The following PTPRS variants were observed in gnomAD, a reference collection of about 807,000 sequenced individuals.
The protein encoded by PTPRS is receptor-type tyrosine-protein phosphatase S.
A neutral mutation model predicts 215.3 loss-of-function variants in PTPRS; 63 were observed. That is an observed-to-expected ratio of 0.29 (90% CI 0.24 to 0.36). The LOEUF (loss-of-function observed/expected upper bound fraction) is 0.36. Among genes scored for constraint, PTPRS ranks in the 10% least tolerant of loss-of-function variants. PTPRS has a pLI of 1.00. For missense variants in PTPRS, 2,258 were observed against 2,825.8 expected (o/e 0.80, Z 4.56); for synonymous variants, 1,404 against 1,191.4 (o/e 1.18, Z -3.68).
At chr19:5,321,607 A>C (rs1368256486) in intron 1 of PTPRS, among the ~76,000 whole-genome samples, 2 of 152,250 alleles carry the variant, frequency 1.3e-5, no homozygotes, top group East Asian at 3.8e-4. Flanking sequence ...TGCCAGGCCC[A>C]GAGTGGAGAA....
At chr19:5,213,433 T>C (rs2041115401) in intron 30 of PTPRS, among the ~76,000 whole-genome samples, 1 of 148,510 alleles carries the variant, frequency 6.7e-6, no homozygotes, top group Non-Finnish European at 1.5e-5. Flanking sequence ...TCCCCCCAAA[T>C]CTCCCCATCA....
intron 4 of PTPRS, among the ~76,000 whole-genome samples, chr19:5,266,954 ACTCCTCACT>A (rs1393358042): frequency 6.7e-6 from 1 of 150,304 alleles, no homozygotes; most frequent in African/African-American, 2.5e-5. Flanking sequence ...ATGCCCCCAC[ACTCCTCACT>A]CTCCTCTGCA....
At position 5,258,002 on chromosome 19, in the gene PTPRS, C is replaced by CGCG. The variant is rs746586819; in HGVS notation, c.706+12_706+14dup. ...GGCGGGTCCCTGCCTTTGACCTGGA[C>CGCG]GCGGCGTTCCCTACCTCGCACGTAG... On this transcript the variant is annotated intron_variant, in intron 8 of 37. Coordinates refer to ENST00000262963, the MANE Select transcript of PTPRS (RefSeq NM_002850.4). 1 of 1,607,088 alleles carries CGCG rather than the reference C, an allele frequency of 6.2e-7. No homozygotes were observed. Among genetic ancestry groups the CGCG allele is most frequent in the South Asian group, 1.1e-5 (1 of 90,706 alleles).
In PTPRS at chr19:5,320,893, T is replaced by G. The variant is rs190302566; in HGVS notation, c.-95+19771A>C. Among the ~76,000 whole-genome samples the G allele has an allele frequency of 3.3e-5, 5 of 152,250 alleles. No homozygotes were observed. The East Asian group carries it at 9.6e-4, about 29-fold the overall frequency. ...CTGAGGCCCAGAGAGGTGGAGTCAT[T>G]GCTACTAAGGGACAGAGCCATCTGG... On this transcript the variant is annotated intron_variant, in intron 1 of 37. Transcript: ENST00000262963.
Position 5,287,964 on chromosome 19 carries a change from G to GCA in PTPRS, c.-94-1732_-94-1731dup, listed in dbSNP as rs3042434. Among the ~76,000 whole-genome samples the GCA allele has an allele frequency of 0.055, 7,303 of 133,144 alleles. 173 individuals carry two copies. Among genetic ancestry groups the GCA allele is most frequent in the Non-Finnish European group, 0.057 (3,553 of 62,408 alleles). The allele number at this position is 133,144 out of a possible 152,430, so 87.3% of individuals were successfully genotyped here. A position where few individuals can be genotyped will look rare whatever the true frequency, so the allele number is the denominator to read the frequency against. ...TCACACAGTCAGGCAGCAGAGACGG[G>GCA]CACACACACACACACACACACACAC... On this transcript the variant is annotated intron_variant, in intron 1 of 37. Coordinates refer to ENST00000262963, the MANE Select transcript of PTPRS (RefSeq NM_002850.4). This position sits in a 1 kb window ranked among gnomAD's most constrained non-coding sequence, Gnocchi z 4.8.
chr19:5,320,084 G>A (rs769760951), intron 1 of PTPRS, among the ~76,000 whole-genome samples: 3 of 152,166 alleles, frequency 2.0e-5, no homozygotes, highest in Non-Finnish European at 2.9e-5. Flanking sequence ...CAGTGGCTGC[G>A]GCCAAAGCAG....
intron 2 of PTPRS, among the ~76,000 whole-genome samples, chr19:5,280,802 T>G (rs1426116121): frequency 6.6e-6 from 1 of 151,964 alleles, no homozygotes; most frequent in Non-Finnish European, 1.5e-5. Context: ...TTTTTTTGTT[T>G]GTTTTTTGAG....
Position 5,229,348 on chromosome 19 carries a change from C to T in PTPRS, c.2350-6G>A. 7.2e-7 allele frequency: 1 copy of T among 1,379,654 alleles called. No individual in the cohort carries two copies. 85.5% of individuals were successfully genotyped at this position (1,379,654 alleles called of 1,614,324 possible). A position where few individuals can be genotyped will look rare whatever the true frequency, so the allele number is the denominator to read the frequency against. ...GCCGTGTCATCCGTCTCCCACTGAG[C>T]GCGGGAGGAGGCGGCAGGGGAGAGA... On this transcript the variant is annotated splice_region_variant and splice_polypyrimidine_tract_variant and intron_variant, in intron 15 of 37. Coordinates refer to ENST00000262963, the MANE Select transcript of PTPRS (RefSeq NM_002850.4).
intron 9 of PTPRS, among the ~76,000 whole-genome samples, chr19:5,249,938 G>A (rs936493378): frequency 9.8e-5 from 15 of 152,340 alleles, no homozygotes; most frequent in African/African-American, 3.6e-4. Context: ...CCATAGGGAT[G>A]TCATAATTTG....
intron 1 of PTPRS, among the ~76,000 whole-genome samples, chr19:5,320,663 C>A (rs765734387): frequency 6.6e-6 from 1 of 152,058 alleles, no homozygotes; most frequent in East Asian, 1.9e-4. Flanking sequence ...TGACCTCAGG[C>A]GATCTGCTCA....
intron 1 of PTPRS, among the ~76,000 whole-genome samples, chr19:5,333,225 T>A (rs991549434): frequency 8.7e-5 from 12 of 137,398 alleles, no homozygotes; most frequent in Admixed American, 6.4e-4. Flanking sequence ...AATCCCAGCA[T>A]TTTCCGAGGC....
In PTPRS at chr19:5,244,497, C is replaced by T. The variant is rs748888862; in HGVS notation, c.989-15G>A. 3 of 1,605,890 alleles carry T rather than the reference C, an allele frequency of 1.9e-6. No individual in the cohort carries two copies. The highest frequency in any genetic ancestry group is 2.2e-5 in the South Asian group (2 of 90,186). The stretch of plus-strand genomic sequence containing the variant: ...TTTGGGGAGAGCTGTGGGCAGGAGG[C>T]AGCTGTGTCACGCATTGGGCACATT... On this transcript the variant is annotated splice_polypyrimidine_tract_variant and intron_variant, in intron 10 of 37. Coordinates refer to ENST00000262963, the MANE Select transcript of PTPRS (RefSeq NM_002850.4). This position sits in a 1 kb window ranked among gnomAD's most constrained non-coding sequence, Gnocchi z 7.2.
chr19:5,216,680 CG>C, intron 26 of PTPRS, 39 bp downstream of exon 26: 1 of 1,462,346 alleles, frequency 6.8e-7, no homozygotes, highest in Non-Finnish European at 9.4e-7. Flanking sequence ...TGAACGGGGG[CG>C]GGGGCGAAAG....
intron 1 of PTPRS, among the ~76,000 whole-genome samples, chr19:5,335,860 T>A (rs1360983647): frequency 6.6e-6 from 1 of 152,018 alleles, no homozygotes; most frequent in Non-Finnish European, 1.5e-5. Context: ...AGATGTGGAA[T>A]ATCCCCTCGG....
At chr19:5,284,577 G>A (rs578097555) in intron 2 of PTPRS, among the ~76,000 whole-genome samples, 21 of 152,070 alleles carry the variant, frequency 1.4e-4, no homozygotes, top group Admixed American at 3.3e-4. Flanking sequence ...GTTGTACGAC[G>A]GGGATGCTGA....
intron 1 of PTPRS, among the ~76,000 whole-genome samples, chr19:5,299,752 A>G (rs1217772948): frequency 6.6e-6 from 1 of 151,882 alleles, no homozygotes; most frequent in East Asian, 1.9e-4. Flanking sequence ...CGCACCTGTA[A>G]TCCCAGCTAC....
chr19:5,297,781 CTTTTCTTTTCTTT>C (rs1234543482), intron 1 of PTPRS, among the ~76,000 whole-genome samples: 2 of 144,408 alleles, frequency 1.4e-5, no homozygotes, highest in Non-Finnish European at 3.0e-5. Context: ...TCCAGTCTTT[CTTTTCTTTTCTTT>C]TTTTTTTTTT....
Position 5,237,863 on chromosome 19 carries a change from G to A in PTPRS, c.1849+1056C>T, listed in dbSNP as rs2043610185. Among the ~76,000 whole-genome samples, 1 of 152,248 alleles carries A rather than the reference G, an allele frequency of 6.6e-6. No homozygotes were observed. The highest frequency in any genetic ancestry group is 2.1e-4 in the South Asian group (1 of 4,830). On this transcript the variant is annotated intron_variant, in intron 13 of 37. Transcript: ENST00000262963. This position sits in a 1 kb window ranked among gnomAD's most constrained non-coding sequence, Gnocchi z 4.2. ...GGAAGGGGGCCGGCGGGGGCAGGGG[G>A]GTTGTGTCTCCGAGGCGCCCCACCC...
intron 1 of PTPRS, among the ~76,000 whole-genome samples, chr19:5,291,321 A>G (rs991369721): frequency 9.9e-5 from 15 of 151,948 alleles, no homozygotes; most frequent in African/African-American, 3.4e-4. Context: ...ACCGAGGCTC[A>G]CCAAGGGTCC....
Sources: gnomAD v4.1 joint callset for allele counts (sites outside exome capture counted in the v4.1 genomes callset) on GRCh38, gnomAD v4.1.1 for gene constraint, Gnocchi (gnomAD v3.1) non-coding constraint, MANE v1.5 for transcripts, NCBI Gene and HGNC (gene_info 2026-07-23, HGNC 2026-07-21) for gene names.